TIAM1: variants seen among roughly 807,000 people sequenced by gnomAD.
TIAM1 encodes TIAM Rac1 associated GEF 1.
In TIAM1, 65 loss-of-function variants were observed where a neutral mutation model predicts 163.5. That is an observed-to-expected ratio of 0.40 (90% CI 0.33 to 0.49). The LOEUF (loss-of-function observed/expected upper bound fraction) is 0.49. TIAM1 is among the 20% of genes least tolerant of loss of function. The probability of loss-of-function intolerance (pLI) is 0.77; values close to 1 mark genes in which losing one functional copy is unlikely to be tolerated. For synonymous variants in TIAM1, 833 were observed against 810.1 expected, an observed-to-expected ratio of 1.03 and a Z score of -0.48; for missense variants, 1,789 against 2,044.7, an observed-to-expected ratio of 0.87 and a Z score of 2.41.
intron 4 of TIAM1, among the ~76,000 whole-genome samples, chr21:31,252,396 C>T (rs1047691114): frequency 1.3e-5 from 2 of 152,154 alleles, no homozygotes; most frequent in African/African-American, 4.8e-5. Flanking sequence ...AAACCTTCAG[C>T]CGCCCTCCGT....
At chr21:31,558,139 C>T (rs900444402) in intron 1 of TIAM1, among the ~76,000 whole-genome samples, 1 of 150,620 alleles carries the variant, frequency 6.6e-6, no homozygotes. Context: ...TAAACAAAAG[C>T]GGGCCCCACG....
chr21:31,359,799 A>G (rs2076374647), intron 2 of TIAM1, among the ~76,000 whole-genome samples: 10 of 144,188 alleles, frequency 6.9e-5, no homozygotes, highest in Admixed American at 4.9e-4. Flanking sequence ...AGAGAAAAAG[A>G]AAGAAAAAGG....
intron 2 of TIAM1, among the ~76,000 whole-genome samples, chr21:31,394,755 C>T (rs2077033014): frequency 1.3e-5 from 2 of 151,536 alleles, no homozygotes; most frequent in Middle Eastern, 6.8e-3. Flanking sequence ...CACACACACA[C>T]ACACACACAC....
chr21:31,506,595 T>C (rs187188262), intron 1 of TIAM1, among the ~76,000 whole-genome samples: 4 of 152,352 alleles, frequency 2.6e-5, no homozygotes, highest in African/African-American at 7.2e-5. Flanking sequence ...TCTTCAAGAT[T>C]CATCCATGTT....
intron 2 of TIAM1, among the ~76,000 whole-genome samples, chr21:31,338,196 G>A (rs2075906885): frequency 6.6e-6 from 1 of 152,200 alleles, no homozygotes. Flanking sequence ...CAGCAGGTAA[G>A]ACTGGAGGAA....
chr21:31,544,589 T>C (rs2048427997), intron 1 of TIAM1, among the ~76,000 whole-genome samples: 1 of 150,376 alleles, frequency 6.6e-6, no homozygotes, highest in African/African-American at 2.5e-5. Flanking sequence ...GATCACGCCA[T>C]TGCACTCCAG....
chr21:31,432,939 G>T (rs1180663537), intron 2 of TIAM1, among the ~76,000 whole-genome samples: 1 of 152,162 alleles, frequency 6.6e-6, no homozygotes, highest in Non-Finnish European at 1.5e-5. Flanking sequence ...AATGATAAAA[G>T]GGGCATTGGA....
chr21:31,285,808 C>T (rs1018816002), intron 2 of TIAM1, among the ~76,000 whole-genome samples: 3 of 151,994 alleles, frequency 2.0e-5, no homozygotes, highest in Admixed American at 6.5e-5. Flanking sequence ...CTGCAGTGAG[C>T]GAAGATCACA....
chr21:31,184,401 C>T (rs191210026), intron 14 of TIAM1, among the ~76,000 whole-genome samples: 26 of 152,212 alleles, frequency 1.7e-4, no homozygotes, highest in Admixed American at 1.3e-3. Context: ...CCACCGTGCC[C>T]GGCCAATTCA....
intron 15 of TIAM1, among the ~76,000 whole-genome samples, chr21:31,180,391 C>G (rs949402234): frequency 2.6e-5 from 4 of 152,182 alleles, no homozygotes; most frequent in African/African-American, 9.7e-5. Context: ...CGACTCAACT[C>G]TGCCATTACA....
chr21:31,168,271 TA>T (rs1345790831), intron 15 of TIAM1, among the ~76,000 whole-genome samples: 1 of 151,966 alleles, frequency 6.6e-6, no homozygotes, highest in African/African-American at 2.4e-5. Context: ...TCTGTATTTT[TA>T]GTAGAAATGG....
intron 19 of TIAM1, among the ~76,000 whole-genome samples, chr21:31,151,041 C>T (rs774412868): frequency 1.3e-5 from 2 of 152,208 alleles, no homozygotes; most frequent in African/African-American, 2.4e-5. Flanking sequence ...TAATGAGCTG[C>T]TACTACACAC....
intron 2 of TIAM1, among the ~76,000 whole-genome samples, chr21:31,450,412 GC>G (rs2044785670): frequency 6.6e-6 from 1 of 152,066 alleles, no homozygotes; most frequent in Admixed American, 6.6e-5. Context: ...TGTCACTCTT[GC>G]CCCTGGGCAC....
chr21:31,407,393 G>A (rs938255649), intron 2 of TIAM1, among the ~76,000 whole-genome samples: 1 of 151,946 alleles, frequency 6.6e-6, no homozygotes, highest in Non-Finnish European at 1.5e-5. Context: ...ACGAAGAAGC[G>A]GCTCAAGCAC....
intron 2 of TIAM1, among the ~76,000 whole-genome samples, chr21:31,307,909 A>C (rs1326880922): frequency 6.6e-6 from 1 of 152,190 alleles, no homozygotes; most frequent in Non-Finnish European, 1.5e-5. Flanking sequence ...GATGGGGAGA[A>C]GAGAGCCAAG....
At chr21:31,482,146 CCATAACAAA>C (rs2046132499) in intron 1 of TIAM1, among the ~76,000 whole-genome samples, 1 of 117,588 alleles carries the variant, frequency 8.5e-6, no homozygotes, top group South Asian at 2.6e-4. Context: ...TTTTTTCTTA[CCATAACAAA>C]CATCCTTTTT....
chr21:31,431,376 G>A (rs1281210146), intron 2 of TIAM1, among the ~76,000 whole-genome samples: 1 of 152,160 alleles, frequency 6.6e-6, no homozygotes, highest in African/African-American at 2.4e-5. Context: ...GATTGGGGGT[G>A]GATGGGGGTG....
intron 1 of TIAM1, among the ~76,000 whole-genome samples, chr21:31,558,733 C>G (rs1319384902): frequency 1.1e-4 from 16 of 152,118 alleles, no homozygotes; most frequent in Non-Finnish European, 1.5e-5. Flanking sequence ...CCCCACCTCC[C>G]AAGTGTGTGA....
chr21:31,190,375 G>A (rs1336880112), intron 13 of TIAM1, among the ~76,000 whole-genome samples: 2 of 152,114 alleles, frequency 1.3e-5, no homozygotes, highest in East Asian at 3.9e-4. Context: ...TCCCACCACT[G>A]CATTCCAGCC....
Sources: allele counts gnomAD v4.1 joint callset (sites outside exome capture counted in the v4.1 genomes callset), GRCh38; gene constraint gnomAD v4.1.1; transcripts MANE v1.5; gene names NCBI Gene and HGNC (gene_info 2026-07-23, HGNC 2026-07-21).